The following BCR variants were observed in gnomAD, a reference collection of about 807,000 sequenced individuals.
BCR encodes the protein breakpoint cluster region protein.
In BCR, 58 loss-of-function variants were observed where a neutral mutation model predicts 138.6. The observed-to-expected ratio is 0.42, with a 90% CI of 0.34 to 0.52. BCR has a LOEUF of 0.52. BCR is among the 20% of genes least tolerant of loss of function. The pLI, the probability that BCR is intolerant of heterozygous loss-of-function variation, is 0.06. For missense variants in BCR, 1,599 were observed against 1,727.2 expected, an observed-to-expected ratio of 0.93 and a Z score of 1.32; for synonymous variants, 786 against 730.1, an observed-to-expected ratio of 1.08 and a Z score of -1.23.
chr22:23,303,101 T>G (rs1436023290), intron 16 of BCR, among the ~76,000 whole-genome samples: 1 of 151,762 alleles, frequency 6.6e-6, no homozygotes, highest in Non-Finnish European at 1.5e-5. Context: ...CATGTAACAG[T>G]ACTTGCTTTG....
At position 23,296,266 on chromosome 22, in the gene BCR, C is replaced by T. The variant is rs563264419; in HGVS notation, c.3012+1111C>T. Reference sequence around the variant, plus strand: ...GCGGGTGCCTGTAGTCCCAGCTACTCGGGAGGCCGAGGCAGGAGAATGGCA... The same window carrying T: ...GCGGGTGCCTGTAGTCCCAGCTACTTGGGAGGCCGAGGCAGGAGAATGGCA... On this transcript the variant is annotated intron_variant, in intron 16 of 22. Coordinates refer to ENST00000305877, the MANE Select transcript of BCR (RefSeq NM_004327.4). Among the ~76,000 whole-genome samples the T allele has an allele frequency of 2.2e-3, 329 of 149,048 alleles. 1 individual carries two copies. Among genetic ancestry groups the T allele is most frequent in the African/African-American group, 7.8e-3 (315 of 40,464 alleles).
At chr22:23,213,857 GA>G (rs1256023358) in intron 1 of BCR, among the ~76,000 whole-genome samples, 7 of 151,802 alleles carry the variant, frequency 4.6e-5, no homozygotes, top group African/African-American at 1.7e-4. Context: ...AAAAGAAGAA[GA>G]AGGAGGAGGA....
At chr22:23,287,558 T>A (rs543276278) in intron 11 of BCR, among the ~76,000 whole-genome samples, 2 of 152,288 alleles carry the variant, frequency 1.3e-5, no homozygotes, top group South Asian at 4.1e-4. Flanking sequence ...TGGCCCTTGG[T>A]ACAGGGATGC....
intron 2 of BCR, among the ~76,000 whole-genome samples, chr22:23,257,688 G>T (rs1318658567): frequency 6.6e-6 from 1 of 152,206 alleles, no homozygotes; most frequent in Non-Finnish European, 1.5e-5. Context: ...GATGGGCAGA[G>T]AGGGGGTGTC....
At chr22:23,193,090 G>A (rs1268287510) in intron 1 of BCR, among the ~76,000 whole-genome samples, 1 of 152,234 alleles carries the variant, frequency 6.6e-6, no homozygotes, top group Non-Finnish European at 1.5e-5. Flanking sequence ...CTCAAGAAGA[G>A]TTTTTGAAGA....
At chr22:23,263,818 AGCTG>A in intron 4 of BCR, 1 of 1,210,274 alleles carries the variant, frequency 8.3e-7, no homozygotes, top group South Asian at 1.2e-5. Flanking sequence ...GCCTCAGGCC[AGCTG>A]GGGTAGTGTT....
chr22:23,235,671 A>G (rs1190848382), intron 1 of BCR, among the ~76,000 whole-genome samples: 2 of 152,188 alleles, frequency 1.3e-5, no homozygotes, highest in African/African-American at 4.8e-5. Context: ...TCAGGCTGCT[A>G]TAACAAAAAT....
At chr22:23,267,711 T>C (rs2073459899) in intron 4 of BCR, among the ~76,000 whole-genome samples, 1 of 152,214 alleles carries the variant, frequency 6.6e-6, no homozygotes, top group South Asian at 2.1e-4. Context: ...GATGGCAGTG[T>C]CTGCTGCACT....
chr22:23,294,303 C>T (rs1487968401), intron 15 of BCR, among the ~76,000 whole-genome samples: 6 of 152,114 alleles, frequency 3.9e-5, no homozygotes, highest in Admixed American at 1.3e-4. Context: ...TTCTGACAAA[C>T]GTGGAATGAC....
intron 8 of BCR, among the ~76,000 whole-genome samples, chr22:23,280,463 G>A (rs377379337): frequency 1.1e-4 from 17 of 152,350 alleles, no homozygotes; most frequent in East Asian, 3.9e-4. Flanking sequence ...GTGATTCATG[G>A]GAAGCTGTGA....
At chr22:23,268,612 T>TG in intron 5 of BCR, 97 bp downstream of exon 5, 5 of 1,054,364 alleles carry the variant, frequency 4.7e-6, no homozygotes, top group African/African-American at 1.6e-5. Context: ...CAAGATCTGG[T>TG]CGTGAACCCC....
intron 16 of BCR, among the ~76,000 whole-genome samples, chr22:23,296,628 G>A (rs1391802775): frequency 1.3e-5 from 2 of 152,134 alleles, no homozygotes; most frequent in East Asian, 3.9e-4. Flanking sequence ...GCCTCCTGGG[G>A]CTCCCTATAC....
At position 23,181,803 on chromosome 22, in the gene BCR, C is replaced by G. The variant is rs371209281; in HGVS notation, c.843C>G (p.Ser281Arg). 1.9e-6 allele frequency: 3 copies of G among 1,609,846 alleles called. No individual in the cohort carries two copies. The African/African-American group carries it at 4.0e-5, about 21-fold the overall frequency. ...WPPLEYQPYQSIYVGGMMEGE... is the reference protein window; with the variant it reads ...WPPLEYQPYQRIYVGGMMEGE... ...CCCTGGAGTACCAGCCCTACCAGAG[C>G]ATCTACGTCGGGGGCATGATGGAAG... The change falls in exon 1 of 23, where the codon AGC (serine) becomes AGG (arginine). Residue 281 changes from serine (S) to arginine (R), a missense_variant. Ser to Arg is a moderately radical substitution (Grantham distance 110, BLOSUM62 -1). Transcript: ENST00000305877.
chr22:23,260,889 C>T, intron 2 of BCR, 61 bp from the exon 3 acceptor site: 1 of 1,477,368 alleles, frequency 6.8e-7, no homozygotes, highest in Non-Finnish European at 9.5e-7. Flanking sequence ...TCTCAGAGGG[C>T]CCTGATGGAA....
At chr22:23,293,597 T>C (rs1383516572) in intron 15 of BCR, among the ~76,000 whole-genome samples, 2 of 152,158 alleles carry the variant, frequency 1.3e-5, no homozygotes, top group Middle Eastern at 3.4e-3. Flanking sequence ...GAAGAAGCCT[T>C]TGCAGAGACC....
rs2073403783 is a variant in BCR, at chr22:23,263,924, C to G, written c.1752+2384C>G. 45 of 928,840 alleles carry G rather than the reference C, an allele frequency of 4.8e-5. 1 individual carries two copies. The South Asian group carries it at 5.5e-4, about 11-fold the overall frequency. 57.5% of individuals were successfully genotyped at this position (928,840 alleles called of 1,614,324 possible). A position where few individuals can be genotyped will look rare whatever the true frequency, so the allele number is the denominator to read the frequency against. ...TGACAGGGACGGCTTGTTGTGGGCA[C>G]TTCTCACCCCTGAAAATCTGGGACC... On this transcript the variant is annotated intron_variant, in intron 4 of 22. Transcript: ENST00000305877.
chr22:23,233,252 C>T (rs986843472), intron 1 of BCR, among the ~76,000 whole-genome samples: 5 of 152,180 alleles, frequency 3.3e-5, no homozygotes, highest in African/African-American at 1.2e-4. Flanking sequence ...TGAGCAGCCT[C>T]TGCAGGCTCC....
At chr22:23,219,444 G>T (rs2072796988) in intron 1 of BCR, among the ~76,000 whole-genome samples, 1 of 152,174 alleles carries the variant, frequency 6.6e-6, no homozygotes, top group African/African-American at 2.4e-5. Flanking sequence ...TGTCCCTTTG[G>T]CTGTGACCCT....
At chr22:23,264,268 G>A (rs2073410733) in intron 4 of BCR, 3 of 926,626 alleles carry the variant, frequency 3.2e-6, no homozygotes, top group Non-Finnish European at 5.4e-6. Flanking sequence ...ACCCGCCTCG[G>A]CAGCCCTGTG....
Sources: allele counts gnomAD v4.1 joint callset (sites outside exome capture counted in the v4.1 genomes callset), GRCh38; gene constraint gnomAD v4.1.1; transcripts MANE v1.5; gene names NCBI Gene and HGNC (gene_info 2026-07-23, HGNC 2026-07-21).